PIRT: variants seen among roughly 807,000 people sequenced by gnomAD.
PIRT encodes phosphoinositide interacting regulator of transient receptor potential channels.
A neutral mutation model predicts 7.9 loss-of-function variants in PIRT; 6 were observed. The observed-to-expected ratio is 0.76, with a 90% CI of 0.42 to 1.51. The LOEUF (loss-of-function observed/expected upper bound fraction) is 1.51, where lower values mean the gene tolerates loss of function less well. PIRT is among the 40% of genes most tolerant of loss of function. The pLI is 0.01. For synonymous variants in PIRT, 78 were observed against 71.8 expected (o/e 1.09, Z -0.44); for missense variants, 170 against 172.9 (o/e 0.98, Z 0.09).
chr17:10,827,335 G>A (rs1905347040), intron 1 of PIRT, among the ~76,000 whole-genome samples: 1 of 152,210 alleles, frequency 6.6e-6, no homozygotes, highest in South Asian at 2.1e-4. Context: ...GGTCACCCAT[G>A]TGGAGCAATT....
At chr17:10,827,765 G>A (rs146144358) in intron 1 of PIRT, among the ~76,000 whole-genome samples, 49 of 152,056 alleles carry the variant, frequency 3.2e-4, no homozygotes, top group Middle Eastern at 3.4e-3. Flanking sequence ...GTGAGCCACC[G>A]CACCCAGCCT....
Position 10,825,277 on chromosome 17 carries a change from C to A in PIRT, c.369G>T (p.Lys123Asn). The change falls in exon 2 of 2, where the codon AAG becomes AAT. Residue 123 changes from lysine (K) to asparagine (N), a missense_variant. Coordinates refer to ENST00000580256, the MANE Select transcript of PIRT (RefSeq NM_001101387.2). ...ACTTGAGGCTGCGTAAGAAATTCGA[C>A]TTCTGTCTGTGCTTCTGTTTCTTTT... Reference protein sequence around the residue: ...IIKKKQKHRQKSNFLRSLKSF... With the variant: ...IIKKKQKHRQNSNFLRSLKSF... 1.2e-6 allele frequency: 2 copies of A among 1,613,968 alleles called. No homozygotes were observed. The highest frequency in any genetic ancestry group is 1.7e-6 in the Non-Finnish European group (2 of 1,179,886).
At position 10,822,583 on chromosome 17, in the gene PIRT, A is replaced by G. The variant is rs2151531861; in HGVS notation, c.*2649T>C. The stretch of plus-strand genomic sequence containing the variant: ...GAGCATGAGACAATCTAGTGAGCCT[A>G]AAACACGGAAGCTGGTTCTGTCCTT... On this transcript the variant is annotated 3_prime_UTR_variant, in exon 2 of 2. Coordinates refer to ENST00000580256, the MANE Select transcript of PIRT (RefSeq NM_001101387.2). 6.6e-6 allele frequency: 1 copy of G among 152,338 alleles called. No homozygotes were observed. The highest frequency in any genetic ancestry group is 1.5e-5 in the Non-Finnish European group (1 of 68,038). The allele number at this position is 152,338 out of a possible 1,614,324, so 9.4% of individuals were successfully genotyped here.
At chr17:10,829,984 T>TATC (rs1420226217) in intron 1 of PIRT, among the ~76,000 whole-genome samples, 4 of 151,788 alleles carry the variant, frequency 2.6e-5, no homozygotes, top group Non-Finnish European at 5.9e-5. Context: ...TCTATCTATC[T>TATC]ATCTATCTAT....
intron 1 of PIRT, among the ~76,000 whole-genome samples, chr17:10,830,416 A>G (rs1905436216): frequency 6.6e-6 from 1 of 152,204 alleles, no homozygotes; most frequent in African/African-American, 2.4e-5. Flanking sequence ...TTTGCCACTT[A>G]CATGCTGTGG....
intron 1 of PIRT, among the ~76,000 whole-genome samples, chr17:10,827,475 T>C (rs1053822216): frequency 2.4e-5 from 3 of 123,610 alleles, no homozygotes; most frequent in South Asian, 2.9e-4. Context: ...CTTTTTTTTT[T>C]TTTTTTTTTT....
intron 1 of PIRT, among the ~76,000 whole-genome samples, chr17:10,837,718 GC>G (rs1440746207): frequency 6.6e-6 from 1 of 152,098 alleles, no homozygotes; most frequent in African/African-American, 2.4e-5. Flanking sequence ...GCAAGGGGCG[GC>G]CCCCCTTCCT....
chr17:10,833,486 T>C (rs1020740627), intron 1 of PIRT, among the ~76,000 whole-genome samples: 1 of 152,192 alleles, frequency 6.6e-6, no homozygotes, highest in Non-Finnish European at 1.5e-5. Flanking sequence ...CAGTCGTTCA[T>C]ACCTGCAATC....
At position 10,829,969 on chromosome 17, in the gene PIRT, A is replaced by G. The variant is rs866020623; in HGVS notation, c.-138-4186T>C. 3.8e-3 allele frequency among the ~76,000 whole-genome samples: 172 copies of G among 45,622 alleles called. 2 individuals carry two copies. Among genetic ancestry groups the G allele is most frequent in the African/African-American group, 6.8e-3 (87 of 12,704 alleles). The allele number at this position is 45,622 out of a possible 152,430, so 29.9% of individuals were successfully genotyped here. A position where few individuals can be genotyped will look rare whatever the true frequency, so the allele number is the denominator to read the frequency against. ...CCACTATGTAGATGTCTGTCTGTCT[A>G]TCTATCTATCTATCTATCTATCTAT... On this transcript the variant is annotated intron_variant, in intron 1 of 1. Transcript: ENST00000580256.
At chr17:10,832,393 A>G (rs781401918) in intron 1 of PIRT, among the ~76,000 whole-genome samples, 1 of 152,066 alleles carries the variant, frequency 6.6e-6, no homozygotes, top group Non-Finnish European at 1.5e-5. Flanking sequence ...GGGTTTCTCT[A>G]TGTTGGTCAG....
chr17:10,826,368 T>C lies in PIRT; in HGVS notation c.-138-585A>G, dbSNP rs183011543. ...CTCTCTTTGTCTCAGTTTTCTTATC[T>C]ATAAGATGAGGATAATGTTACTTCT... On this transcript the variant is annotated intron_variant, in intron 1 of 1. Transcript: ENST00000580256. 4.9e-3 allele frequency among the ~76,000 whole-genome samples: 749 copies of C among 152,358 alleles called. 3 individuals carry two copies. The highest frequency in any genetic ancestry group is 7.9e-3 in the Non-Finnish European group (540 of 68,026).
At chr17:10,826,563 T>C (rs955639061) in intron 1 of PIRT, among the ~76,000 whole-genome samples, 1 of 152,264 alleles carries the variant, frequency 6.6e-6, no homozygotes, top group East Asian at 1.9e-4. Flanking sequence ...AAACACTTCC[T>C]TTGTTAAATT....
intron 1 of PIRT, among the ~76,000 whole-genome samples, chr17:10,837,040 G>A (rs1230528933): frequency 1.3e-5 from 2 of 152,142 alleles, no homozygotes; most frequent in Non-Finnish European, 2.9e-5. Flanking sequence ...CAAGTGTCTG[G>A]GCTAATAGAA....
intron 1 of PIRT, among the ~76,000 whole-genome samples, chr17:10,827,475 T>G (rs1053822216): frequency 3.2e-5 from 4 of 123,610 alleles, no homozygotes; most frequent in Non-Finnish European, 6.5e-5. Flanking sequence ...CTTTTTTTTT[T>G]TTTTTTTTTT....
At chr17:10,828,355 T>C (rs1294867765) in intron 1 of PIRT, among the ~76,000 whole-genome samples, 1 of 152,172 alleles carries the variant, frequency 6.6e-6, no homozygotes, top group East Asian at 1.9e-4. Flanking sequence ...AAGGAGACCT[T>C]GGCCTCTGGA....
intron 1 of PIRT, among the ~76,000 whole-genome samples, chr17:10,834,793 T>A (rs1905545195): frequency 6.6e-6 from 1 of 152,006 alleles, no homozygotes; most frequent in South Asian, 2.1e-4. Context: ...GGCTTCACCG[T>A]GTTAGCCAGG....
chr17:10,831,099 C>T (rs1385721999), intron 1 of PIRT, among the ~76,000 whole-genome samples: 1 of 152,160 alleles, frequency 6.6e-6, no homozygotes, highest in Non-Finnish European at 1.5e-5. Context: ...ATCTTCTACC[C>T]CATGGCACCT....
At chr17:10,830,931 C>T (rs1905449298) in intron 1 of PIRT, among the ~76,000 whole-genome samples, 1 of 152,168 alleles carries the variant, frequency 6.6e-6, no homozygotes, top group Non-Finnish European at 1.5e-5. Flanking sequence ...CCAACAGTAC[C>T]TCTTCCTCCC....
At chr17:10,833,735 TG>T (rs1351799132) in intron 1 of PIRT, among the ~76,000 whole-genome samples, 1 of 150,554 alleles carries the variant, frequency 6.6e-6, no homozygotes, top group Non-Finnish European at 1.5e-5. Context: ...GCCTGGGCAA[TG>T]GGGCGAGATT....
Sources: gnomAD v4.1 joint callset for allele counts (sites outside exome capture counted in the v4.1 genomes callset) on GRCh38, gnomAD v4.1.1 for gene constraint, MANE v1.5 for transcripts, NCBI Gene and HGNC (gene_info 2026-07-23, HGNC 2026-07-21) for gene names.